Variants in TRIM8 observed in about 807,000 individuals in gnomAD.
TRIM8 encodes the protein tripartite motif containing 8, also known as E3 ubiquitin-protein ligase TRIM8.
A neutral mutation model predicts 55.7 loss-of-function variants in TRIM8; 9 were observed. The ratio of observed to expected loss-of-function variants is 0.16; its 90% CI spans 0.10 to 0.28. TRIM8 has a LOEUF of 0.28. Ranked by LOEUF, TRIM8 falls within the 10% of genes least tolerant of loss-of-function variation. TRIM8 has a pLI of 1.00. For synonymous variants in TRIM8, 335 were observed against 333.3 expected (o/e 1.01, Z -0.06); for missense variants, 556 against 736.4 (o/e 0.76, Z 2.83).
chr10:102,654,805 G>C lies in TRIM8; in HGVS notation c.666+57G>C, dbSNP rs1018163084. Reference sequence around the variant, plus strand: ...GGGGTGGCTTGAGCGCAGGGCTTTGGGTGAGTTCCTTACTAAGGATTGATT... The same window carrying C: ...GGGGTGGCTTGAGCGCAGGGCTTTGCGTGAGTTCCTTACTAAGGATTGATT... On this transcript the variant is annotated intron_variant, in intron 2 of 5. Coordinates refer to ENST00000643721, the MANE Select transcript of TRIM8 (RefSeq NM_030912.3). The C allele has an allele frequency of 6.9e-6, 9 of 1,301,516 alleles. No individual in the cohort carries two copies. The African/African-American group carries it at 1.3e-4, about 19-fold the overall frequency. 80.6% of individuals were successfully genotyped at this position (1,301,516 alleles called of 1,614,324 possible). A position where few individuals can be genotyped will look rare whatever the true frequency, so the allele number is the denominator to read the frequency against.
rs551429294 is a variant in TRIM8 at position 102,657,628 on chromosome 10, G to A, written c.*274G>A. 115 of 377,456 alleles carry A rather than the reference G, an allele frequency of 3.0e-4. No homozygotes were observed. Among genetic ancestry groups the A allele is most frequent in the Admixed American group, 1.0e-3 (24 of 23,092 alleles). 23.4% of individuals were successfully genotyped at this position (377,456 alleles called of 1,614,324 possible). ...GATGGGAAAGTGTCTGTGTCGAGGCGCTGAGCTCTCTCTCTGTTTCTCCTT... is the reference window on the plus strand; with the variant it reads ...GATGGGAAAGTGTCTGTGTCGAGGCACTGAGCTCTCTCTCTGTTTCTCCTT... On this transcript the variant is annotated 3_prime_UTR_variant, in exon 6 of 6. Coordinates refer to ENST00000643721, the MANE Select transcript of TRIM8 (RefSeq NM_030912.3).
chr10:102,646,751 G>A (rs1022322670), intron 1 of TRIM8, among the ~76,000 whole-genome samples: 2 of 152,188 alleles, frequency 1.3e-5, no homozygotes, highest in African/African-American at 4.8e-5. Flanking sequence ...GGAAGGGCTG[G>A]GGGAGGAGGC....
chr10:102,653,777 G>A (rs1248336912), intron 1 of TRIM8: 1 of 152,262 alleles, frequency 6.6e-6, no homozygotes, highest in East Asian at 1.9e-4. Flanking sequence ...TGTAAGGCGA[G>A]GGTAAAGTGA....
intron 1 of TRIM8, among the ~76,000 whole-genome samples, chr10:102,652,735 T>C (rs773341978): frequency 4.6e-5 from 7 of 152,094 alleles, no homozygotes; most frequent in Non-Finnish European, 1.0e-4. Flanking sequence ...AACTTTAGTA[T>C]CTGAGACTAG....
chr10:102,644,707 C>T lies in TRIM8; in HGVS notation c.90C>T (p.Cys30=), dbSNP rs760398293. 12 of 1,613,626 alleles carry T rather than the reference C, an allele frequency of 7.4e-6. No homozygotes were observed. Among genetic ancestry groups the T allele is most frequent in the Non-Finnish European group, 1.0e-5 (12 of 1,179,948 alleles). The change falls in exon 1 of 6, where the codon TGC becomes TGT. Residue 30 remains cysteine (C), a synonymous_variant. Transcript: ENST00000643721. ...TCGTGGAGCCAGTGCAGCTGCCGTG[C>T]AAACACAACTTCTGCCGGGGCTGCA... is the stretch of plus-strand genomic sequence containing the variant. The part of the protein sequence containing the change: ...HVFVEPVQLP[C]KHNFCRGCIG...
Position 102,644,889 on chromosome 10 carries a change from A to T in TRIM8, c.272A>T (p.His91Leu). 4 of 1,610,826 alleles carry T rather than the reference A, an allele frequency of 2.5e-6. No individual in the cohort carries two copies. Among genetic ancestry groups the T allele is most frequent in the Non-Finnish European group, 3.4e-6 (4 of 1,179,048 alleles). ...GTGGAGAAGCCGCCGGCGGCGCTGCACTGCGTGTTCTGCCGCCGCGGCCCC... is the reference window on the plus strand; with the variant it reads ...GTGGAGAAGCCGCCGGCGGCGCTGCTCTGCGTGTTCTGCCGCCGCGGCCCC... ...LHVEKPPAAL[H>L]CVFCRRGPPL... is the part of the protein sequence containing the mutation. Residue 91 changes from histidine (H) to leucine (L), a missense_variant, in exon 1 of 6, where the codon CAC becomes CTC. By Grantham distance (99) the His-to-Leu change is moderately conservative. This residue lies in a region of TRIM8 where 165 missense variants were observed against 295.3 expected (regional missense o/e 0.56). Coordinates refer to ENST00000643721, the MANE Select transcript of TRIM8 (RefSeq NM_030912.3).
rs2063923270 is a variant in TRIM8, at chr10:102,645,174, G to C, written c.557G>C (p.Arg186Thr). ...TCGGTGTGCGACGTGGAGATCCGAA[G>C]GAATGAAATCCGGGCAAGTACCCTA... ...GHSVCDVEIR[R>T]NEIRKMLMKQ... Residue 186 changes from arginine to threonine, a missense_variant, in exon 1 of 6, where the codon AGG becomes ACG. Physicochemically the swap from Arg to Thr is moderately conservative, Grantham distance 71. Transcript: ENST00000643721. The C allele has an allele frequency of 6.4e-7, 1 of 1,551,796 alleles. No individual in the cohort carries two copies. The highest frequency in any genetic ancestry group is 8.7e-7 in the Non-Finnish European group (1 of 1,155,212).
At chr10:102,645,331 G>C in intron 1 of TRIM8, 144 bp downstream of exon 1, 1 of 955,822 alleles carries the variant, frequency 1.0e-6, no homozygotes, top group Non-Finnish European at 1.5e-6. Flanking sequence ...TTCTCTGAAA[G>C]TTTGGGGACA....
intron 1 of TRIM8, among the ~76,000 whole-genome samples, chr10:102,652,312 G>C (rs1564720660): frequency 6.6e-6 from 1 of 152,192 alleles, no homozygotes; most frequent in Non-Finnish European, 1.5e-5. Context: ...CTGGCGGGGT[G>C]AGGAAGGGAT....
chr10:102,644,821 C>CCT lies in TRIM8; in HGVS notation c.205_206dup (p.Lys70Ter). 1 of 1,613,152 alleles carries CCT rather than the reference C, an allele frequency of 6.2e-7. No individual in the cohort carries two copies. On this transcript the variant is annotated frameshift_variant, in exon 1 of 6. Transcript: ENST00000643721. LOFTEE classifies it high-confidence loss of function. ...ACCAGAAGCCGGGCCTGGAGAAGAA[C>CCT]CTGAAGCTCACCAACATCGTGGAGA... is the stretch of plus-strand genomic sequence containing the variant.
intron 1 of TRIM8, 48 bp downstream of exon 1, chr10:102,645,235 A>G: frequency 3.4e-6 from 5 of 1,457,950 alleles, no homozygotes; most frequent in Non-Finnish European, 4.5e-6. Context: ...ACAGACACAC[A>G]GTCCCTTCCT....
In TRIM8 at chr10:102,656,529, AG is replaced by A; in HGVS notation, c.1048+145del. On this transcript the variant is annotated intron_variant, in intron 5 of 5. Coordinates refer to ENST00000643721, the MANE Select transcript of TRIM8 (RefSeq NM_030912.3). The surrounding 1 kb of genome is among the most constrained non-coding windows in gnomAD (Gnocchi z 4.6). ...GCTTTGCCACTTGTAGCTGTGGGAC[AG>A]TGGGTAAGCAACATGACCTCCCCAG... 7.2e-7 allele frequency: 1 copy of A among 1,384,714 alleles called. No individual in the cohort carries two copies. The highest frequency in any genetic ancestry group is 9.7e-7 in the Non-Finnish European group (1 of 1,032,906). The allele number at this position is 1,384,714 out of a possible 1,614,324, so 85.8% of individuals were successfully genotyped here. A position where few individuals can be genotyped will look rare whatever the true frequency, so the allele number is the denominator to read the frequency against.
intron 1 of TRIM8, among the ~76,000 whole-genome samples, chr10:102,648,226 C>T (rs1433944909): frequency 1.3e-5 from 2 of 152,146 alleles, no homozygotes; most frequent in Non-Finnish European, 1.5e-5. Context: ...TTCAGGGGTT[C>T]ATCTAAGCAT....
intron 1 of TRIM8, among the ~76,000 whole-genome samples, chr10:102,647,762 GCTT>G (rs1429700470): frequency 6.6e-6 from 1 of 152,202 alleles, no homozygotes; most frequent in Non-Finnish European, 1.5e-5. Flanking sequence ...TCTAGGCTCT[GCTT>G]CTTGTGCGTC....
chr10:102,646,804 C>G (rs1467311155), intron 1 of TRIM8, among the ~76,000 whole-genome samples: 1 of 152,132 alleles, frequency 6.6e-6, no homozygotes, highest in African/African-American at 2.4e-5. Context: ...CTGTCCAGTT[C>G]TGTCCTGGGA....
chr10:102,657,467 C>A lies in TRIM8; in HGVS notation c.*113C>A. On this transcript the variant is annotated 3_prime_UTR_variant, in exon 6 of 6. Coordinates refer to ENST00000643721, the MANE Select transcript of TRIM8 (RefSeq NM_030912.3). The stretch of plus-strand genomic sequence containing the variant: ...TTCCTCGCCTCCCCTCTTCCTCATT[C>A]CATTGCCCCAGGTCTTTTCCTTTTG... The A allele has an allele frequency of 3.1e-6, 4 of 1,289,564 alleles. No individual in the cohort carries two copies. The South Asian group carries it at 6.2e-5, about 20-fold the overall frequency. The allele number at this position is 1,289,564 out of a possible 1,614,324, so 79.9% of individuals were successfully genotyped here. A position where few individuals can be genotyped will look rare whatever the true frequency, so the allele number is the denominator to read the frequency against.
At chr10:102,652,320 G>A (rs908062206) in intron 1 of TRIM8, among the ~76,000 whole-genome samples, 1 of 152,182 alleles carries the variant, frequency 6.6e-6, no homozygotes, top group African/African-American at 2.4e-5. Context: ...GTGAGGAAGG[G>A]ATTGATGGCA....
chr10:102,654,463 C>A, intron 1 of TRIM8, 190 bp from the exon 2 acceptor site: 3 of 579,244 alleles, frequency 5.2e-6, no homozygotes, highest in South Asian at 2.3e-5. Context: ...AATAAATATG[C>A]ATGGGAAGCT....
intron 1 of TRIM8, among the ~76,000 whole-genome samples, chr10:102,652,079 G>A (rs73342660): frequency 6.6e-6 from 1 of 152,192 alleles, no homozygotes; most frequent in Admixed American, 6.5e-5. Context: ...TCTGGGGGCA[G>A]GGCAAGGTCT....
Sources: allele counts gnomAD v4.1 joint callset (sites outside exome capture counted in the v4.1 genomes callset), GRCh38; gene constraint gnomAD v4.1.1; regional missense constraint gnomAD v4.1.1; non-coding constraint Gnocchi (gnomAD v3.1); transcripts MANE v1.5; gene names NCBI Gene and HGNC (gene_info 2026-07-23, HGNC 2026-07-21).